The following PRKG1 variants were observed in gnomAD, a reference collection of about 807,000 sequenced individuals.
PRKG1 encodes cGMP-dependent protein kinase 1.
Under a neutral mutation model 88.1 loss-of-function variants are expected in PRKG1, and 35 were observed. The ratio of observed to expected loss-of-function variants is 0.40; its 90% confidence interval spans 0.30 to 0.53. PRKG1 has a LOEUF of 0.53. Among genes scored for constraint, PRKG1 ranks in the 20% least tolerant of loss-of-function variants. The pLI is 0.59. For synonymous variants in PRKG1, 303 were observed against 292.5 expected (o/e 1.04, Z -0.37); for missense variants, 540 against 839.8 (o/e 0.64, Z 4.41).
At chr10:51,404,684 C>T (rs1837857244) in intron 2 of PRKG1, among the ~76,000 whole-genome samples, 1 of 152,132 alleles carries the variant, frequency 6.6e-6, no homozygotes, top group Non-Finnish European at 1.5e-5. Context: ...AAGATCATGC[C>T]AATTAAATGT....
chr10:51,793,210 A>G (rs1182968435), intron 3 of PRKG1, among the ~76,000 whole-genome samples: 2 of 151,738 alleles, frequency 1.3e-5, no homozygotes, highest in Admixed American at 1.3e-4. Context: ...AATGAGAAAT[A>G]TAATGGAGAG....
At chr10:51,390,874 C>T (rs1268656447) in intron 2 of PRKG1, among the ~76,000 whole-genome samples, 1 of 124,692 alleles carries the variant, frequency 8.0e-6, no homozygotes, top group Non-Finnish European at 2.0e-5. Flanking sequence ...TGGTGCTAAA[C>T]ATCCAACAAT....
intron 2 of PRKG1, among the ~76,000 whole-genome samples, chr10:51,302,189 T>C (rs956807569): frequency 6.6e-6 from 1 of 152,348 alleles, no homozygotes; most frequent in Non-Finnish European, 1.5e-5. Context: ...TGACACCTGT[T>C]GATTGACTGG....
At chr10:51,371,729 C>A (rs1044766902) in intron 2 of PRKG1, among the ~76,000 whole-genome samples, 79 of 152,290 alleles carry the variant, frequency 5.2e-4, no homozygotes, top group African/African-American at 1.8e-3. Context: ...GTTCTACCTT[C>A]AACAGCCCCT....
chr10:51,984,849 C>T (rs1235041421), intron 5 of PRKG1, among the ~76,000 whole-genome samples: 1 of 151,990 alleles, frequency 6.6e-6, no homozygotes, highest in Non-Finnish European at 1.5e-5. Flanking sequence ...AAAGAAAATC[C>T]TATCAAGAGG....
chr10:52,171,782 CA>C (rs1195296203), intron 9 of PRKG1, among the ~76,000 whole-genome samples: 5 of 114,512 alleles, frequency 4.4e-5, no homozygotes, highest in African/African-American at 1.7e-4. Flanking sequence ...TTTCTTTTAT[CA>C]AAATTTTTTT....
intron 1 of PRKG1, among the ~76,000 whole-genome samples, chr10:51,093,799 T>TACACACAC (rs796209546): frequency 7.8e-5 from 10 of 127,772 alleles, no homozygotes; most frequent in African/African-American, 3.4e-4. Flanking sequence ...TATATATATA[T>TACACACAC]ATACACACAC....
intron 6 of PRKG1, among the ~76,000 whole-genome samples, chr10:52,058,242 A>G (rs915151030): frequency 6.6e-6 from 1 of 152,124 alleles, no homozygotes; most frequent in Non-Finnish European, 1.5e-5. Flanking sequence ...CAGTAGTAGT[A>G]GCCACATTGC....
chr10:51,252,017 T>C (rs1208833840), intron 2 of PRKG1, among the ~76,000 whole-genome samples: 1 of 149,884 alleles, frequency 6.7e-6, no homozygotes, highest in African/African-American at 2.5e-5. Flanking sequence ...GTATATTGCA[T>C]ACTATTGCAT....
rs188651026 is a variant in PRKG1 at position 51,690,906 on chromosome 10, G to A, written c.593-113679G>A. On this transcript the variant is annotated intron_variant, in intron 3 of 17. Transcript: ENST00000373980. ...GCACCACTACACCCCCCAGCCTGGCGACAGAGTGAGACTCTGTCTCAAAAA... is the reference window on the plus strand; with the variant it reads ...GCACCACTACACCCCCCAGCCTGGCAACAGAGTGAGACTCTGTCTCAAAAA... 3.0e-3 allele frequency among the ~76,000 whole-genome samples: 347 copies of A among 115,202 alleles called. 3 individuals are homozygous for A. The highest frequency in any genetic ancestry group is 0.011 in the African/African-American group (328 of 28,608). 75.6% of individuals were successfully genotyped at this position (115,202 alleles called of 152,430 possible). A position where few individuals can be genotyped will look rare whatever the true frequency, so the allele number is the denominator to read the frequency against.
chr10:51,621,013 A>G (rs1474554501), intron 3 of PRKG1, among the ~76,000 whole-genome samples: 2 of 144,520 alleles, frequency 1.4e-5, no homozygotes, highest in Non-Finnish European at 1.5e-5. Context: ...ATGTGTGTAT[A>G]TATATATATA....
intron 5 of PRKG1, among the ~76,000 whole-genome samples, chr10:51,936,095 C>T (rs564952251): frequency 3.3e-5 from 5 of 151,982 alleles, no homozygotes; most frequent in African/African-American, 1.2e-4. Context: ...GTTTCCCTCC[C>T]TTTTTAAATT....
chr10:51,820,598 C>CAAAAA, intron 4 of PRKG1, among the ~76,000 whole-genome samples: 1 of 152,082 alleles, frequency 6.6e-6, no homozygotes, highest in African/African-American at 2.4e-5. Context: ...TCACACATAC[C>CAAAAA]CTTGCTATGG....
intron 1 of PRKG1, among the ~76,000 whole-genome samples, chr10:51,004,492 A>G (rs1056388611): frequency 6.6e-6 from 1 of 152,130 alleles, no homozygotes; most frequent in Admixed American, 6.5e-5. Context: ...AAAACAAAAA[A>G]CAAAACAAAA....
At chr10:52,173,921 G>T (rs1022197306) in intron 9 of PRKG1, among the ~76,000 whole-genome samples, 1 of 152,048 alleles carries the variant, frequency 6.6e-6, no homozygotes, top group Non-Finnish European at 1.5e-5. Context: ...ATGAGTCATT[G>T]GGTCTTTAAC....
intron 2 of PRKG1, among the ~76,000 whole-genome samples, chr10:51,305,946 C>A (rs1841025389): frequency 6.6e-6 from 1 of 152,078 alleles, no homozygotes; most frequent in South Asian, 2.1e-4. Context: ...CTATTGGAAG[C>A]CTCAGGTCAT....
chr10:51,398,250 A>T (rs545858211), intron 2 of PRKG1, among the ~76,000 whole-genome samples: 3 of 152,244 alleles, frequency 2.0e-5, no homozygotes, highest in South Asian at 2.1e-4. Flanking sequence ...TTCATCTCAG[A>T]TCATCAGTCA....
intron 3 of PRKG1, among the ~76,000 whole-genome samples, chr10:51,765,815 ATT>A (rs398046339): frequency 2.1e-4 from 28 of 134,650 alleles, no homozygotes; most frequent in Non-Finnish European, 2.4e-4. Flanking sequence ...GCCTTACATG[ATT>A]TTTTTTTTTT....
At chr10:51,754,772 G>A (rs750340283) in intron 3 of PRKG1, among the ~76,000 whole-genome samples, 1 of 152,146 alleles carries the variant, frequency 6.6e-6, no homozygotes, top group African/African-American at 2.4e-5. Flanking sequence ...TTAGGTTAGA[G>A]CTGCATGAAT....
Sources: gnomAD v4.1 joint callset for allele counts (sites outside exome capture counted in the v4.1 genomes callset) on GRCh38, gnomAD v4.1.1 for gene constraint, MANE v1.5 for transcripts, NCBI Gene and HGNC (gene_info 2026-07-23, HGNC 2026-07-21) for gene names.